Variants in WDR33 observed in about 807,000 individuals in gnomAD.
WDR33 encodes the protein WD repeat domain 33.
WDR33 carries 47 observed loss-of-function variants against 164.9 expected under a neutral mutation model. The observed-to-expected ratio is 0.29, with a 90% CI of 0.23 to 0.36. The LOEUF (loss-of-function observed/expected upper bound fraction) is 0.36, where lower values mean the gene tolerates loss of function less well. Among genes scored for constraint, WDR33 ranks in the 10% least tolerant of loss-of-function variants. The probability of loss-of-function intolerance (pLI) is 1.00; values close to 1 mark genes in which losing one functional copy is unlikely to be tolerated. For missense variants in WDR33, 1,137 were observed against 1,754.1 expected (o/e 0.65, Z 6.28); for synonymous variants, 505 against 589.0 (o/e 0.86, Z 2.06).
chr2:127,789,571 A>G (rs765839885), intron 1 of WDR33, among the ~76,000 whole-genome samples: 21,444 of 149,312 alleles, frequency 0.14, 1,620 homozygotes, highest in Middle Eastern at 0.23. Flanking sequence ...CGTGCCTGCA[A>G]TGGCAGGCAC....
chr2:127,726,851 A>G lies in WDR33; in HGVS notation c.725-74T>C. On this transcript the variant is annotated intron_variant, in intron 7 of 21. Transcript: ENST00000322313. This position sits in a 1 kb window ranked among gnomAD's most constrained non-coding sequence, Gnocchi z 4.8. The stretch of plus-strand genomic sequence containing the variant: ...AAGCAATTTAAACCAAAGTAGAGAA[A>G]CCTAGTAAATGTTTTGCTCTCAGTG... 1 of 1,572,448 alleles carries G rather than the reference A, an allele frequency of 6.4e-7. No homozygotes were observed. Among genetic ancestry groups the G allele is most frequent in the Non-Finnish European group, 8.7e-7 (1 of 1,155,786 alleles).
In WDR33 at chr2:127,769,011, A is replaced by AAATG; in HGVS notation, c.205-11_205-10insCATT. 1 of 1,151,348 alleles carries AAATG rather than the reference A, an allele frequency of 8.7e-7. No homozygotes were observed. The allele number at this position is 1,151,348 out of a possible 1,614,324, so 71.3% of individuals were successfully genotyped here. A position where few individuals can be genotyped will look rare whatever the true frequency, so the allele number is the denominator to read the frequency against. ...TTTGCCATATTCTGTTCTGTTAAATAAATAAATAAATAAATAAATAAATAA... is the reference window on the plus strand; with the variant it reads ...TTTGCCATATTCTGTTCTGTTAAATAAATGAATAAATAAATAAATAAATAAATAA... On this transcript the variant is annotated splice_polypyrimidine_tract_variant and intron_variant, in intron 2 of 21. Coordinates refer to ENST00000322313, the MANE Select transcript of WDR33 (RefSeq NM_018383.5).
chr2:127,746,041 TAAA>T (rs59854828), intron 7 of WDR33, among the ~76,000 whole-genome samples: 5 of 99,880 alleles, frequency 5.0e-5, no homozygotes, highest in Non-Finnish European at 8.6e-5. Context: ...ATAAAATAAT[TAAA>T]AAAAAAAAAA....
intron 1 of WDR33, among the ~76,000 whole-genome samples, chr2:127,784,918 G>A (rs573381919): frequency 6.6e-6 from 1 of 152,072 alleles, no homozygotes; most frequent in Non-Finnish European, 1.5e-5. Flanking sequence ...TAATTATTGG[G>A]AACCTCAATT....
chr2:127,810,517 A>C lies in WDR33; in HGVS notation c.-24+495T>G, dbSNP rs148430802. ...AAATAGAAATACAACTATTCCAAAA[A>C]AGCAGGGCTTTGCCTGTCAAGCTGT... On this transcript the variant is annotated intron_variant, in intron 1 of 21. Coordinates refer to ENST00000322313, the MANE Select transcript of WDR33 (RefSeq NM_018383.5). Among the ~76,000 whole-genome samples, 86 of 152,322 alleles carry C rather than the reference A, an allele frequency of 5.6e-4. 1 individual carries two copies. The highest frequency in any genetic ancestry group is 9.7e-4 in the Non-Finnish European group (66 of 68,024).
chr2:127,733,569 C>T (rs953601274), intron 7 of WDR33, among the ~76,000 whole-genome samples: 6 of 152,108 alleles, frequency 3.9e-5, no homozygotes, highest in Admixed American at 2.0e-4. Flanking sequence ...TAGCCATATA[C>T]GGCTGTTTAA....
chr2:127,735,785 G>T lies in WDR33; in HGVS notation c.725-9008C>A. On this transcript the variant is annotated intron_variant, in intron 7 of 21. Coordinates refer to ENST00000322313, the MANE Select transcript of WDR33 (RefSeq NM_018383.5). The surrounding 1 kb of genome is among the most constrained non-coding windows in gnomAD (Gnocchi z 4.3). The stretch of plus-strand genomic sequence containing the variant: ...ATAAGTAATCTGTGCTCTGGTCAAG[G>T]AATATGCAATTTATTAGTATTTTAC... The T allele has an allele frequency of 8.1e-6, 8 of 985,396 alleles. No homozygotes were observed. The South Asian group carries it at 3.8e-4, about 46-fold the overall frequency. The allele number at this position is 985,396 out of a possible 1,614,324, so 61.0% of individuals were successfully genotyped here.
intron 18 of WDR33, among the ~76,000 whole-genome samples, chr2:127,711,052 A>G (rs1270705549): frequency 6.6e-6 from 1 of 152,212 alleles, no homozygotes; most frequent in African/African-American, 2.4e-5. Flanking sequence ...ACTTTCTCCT[A>G]TATAATCACA....
At chr2:127,776,248 G>A (rs1472452055) in intron 1 of WDR33, among the ~76,000 whole-genome samples, 2 of 152,172 alleles carry the variant, frequency 1.3e-5, no homozygotes, top group East Asian at 1.9e-4. Flanking sequence ...GCCAAGAGGA[G>A]AGGCTCTCCA....
Position 127,723,998 on chromosome 2 carries a change from G to A in WDR33, c.1196+335C>T, listed in dbSNP as rs1017745980. On this transcript the variant is annotated intron_variant, in intron 11 of 21. Coordinates refer to ENST00000322313, the MANE Select transcript of WDR33 (RefSeq NM_018383.5). The surrounding 1 kb of genome is among the most constrained non-coding windows in gnomAD (Gnocchi z 5.9). Reference sequence around the variant, plus strand: ...AGGCTGAGGTAGGAGGATCACCTGAGCCCAGGAAGGTTGAGGCTATAGTGA... The same window carrying A: ...AGGCTGAGGTAGGAGGATCACCTGAACCCAGGAAGGTTGAGGCTATAGTGA... Among the ~76,000 whole-genome samples, 2 of 152,042 alleles carry A rather than the reference G, an allele frequency of 1.3e-5. No homozygotes were observed. Among genetic ancestry groups the A allele is most frequent in the Admixed American group, 6.6e-5 (1 of 15,250 alleles).
At chr2:127,769,042 T>C (rs1239920342) in intron 2 of WDR33, 41 bp from the exon 3 acceptor site, 1 of 1,208,792 alleles carries the variant, frequency 8.3e-7, no homozygotes, top group Non-Finnish European at 1.1e-6. Context: ...AATAAATAGA[T>C]CAATTAATGA....
chr2:127,706,225 G>T lies in WDR33; in HGVS notation c.*98C>A. Reference sequence around the variant, plus strand: ...TCAGGTGCCCAGAAAAGAGTTCAGGGCTACAATGGTGCAGGCTTCCTTTTG... The same window carrying T: ...TCAGGTGCCCAGAAAAGAGTTCAGGTCTACAATGGTGCAGGCTTCCTTTTG... On this transcript the variant is annotated 3_prime_UTR_variant, in exon 22 of 22. Transcript: ENST00000322313. This position sits in a 1 kb window ranked among gnomAD's most constrained non-coding sequence, Gnocchi z 5.1. 3 of 1,174,924 alleles carry T rather than the reference G, an allele frequency of 2.6e-6. No individual in the cohort carries two copies. Among genetic ancestry groups the T allele is most frequent in the Non-Finnish European group, 3.5e-6 (3 of 861,200 alleles). 72.8% of individuals were successfully genotyped at this position (1,174,924 alleles called of 1,614,324 possible).
At chr2:127,745,513 G>A (rs1687142542) in intron 7 of WDR33, among the ~76,000 whole-genome samples, 1 of 152,086 alleles carries the variant, frequency 6.6e-6, no homozygotes, top group African/African-American at 2.4e-5. Context: ...TACAGAAACA[G>A]CAACAAAGAA....
In WDR33 at chr2:127,701,959, G is replaced by A; in HGVS notation, c.*4364C>T. The A allele has an allele frequency of 3.6e-6, 5 of 1,397,460 alleles. No homozygotes were observed. Among genetic ancestry groups the A allele is most frequent in the Non-Finnish European group, 4.6e-6 (5 of 1,082,576 alleles). 86.6% of individuals were successfully genotyped at this position (1,397,460 alleles called of 1,614,324 possible). On this transcript the variant is annotated 3_prime_UTR_variant, in exon 22 of 22. Coordinates refer to ENST00000322313, the MANE Select transcript of WDR33 (RefSeq NM_018383.5). Reference sequence around the variant, plus strand: ...CTGCGCTGCGAAGAAGCGCCGTCCCGGCCCGCGCTGCTCTACATGGCAGCG... The same window carrying A: ...CTGCGCTGCGAAGAAGCGCCGTCCCAGCCCGCGCTGCTCTACATGGCAGCG...
chr2:127,743,814 T>C (rs1319347350), intron 7 of WDR33, among the ~76,000 whole-genome samples: 2 of 152,148 alleles, frequency 1.3e-5, no homozygotes, highest in Non-Finnish European at 2.9e-5. Flanking sequence ...GGAGGCATGG[T>C]TGGTGGTGTG....
rs1312045601 is a variant in WDR33 at position 127,724,808 on chromosome 2, C to T, written c.1085+79G>A. The T allele has an allele frequency of 6.7e-7, 1 of 1,491,492 alleles. No individual in the cohort carries two copies. Among genetic ancestry groups the T allele is most frequent in the African/African-American group, 1.4e-5 (1 of 72,168 alleles). The allele number at this position is 1,491,492 out of a possible 1,614,324, so 92.4% of individuals were successfully genotyped here. On this transcript the variant is annotated intron_variant, in intron 10 of 21. Coordinates refer to ENST00000322313, the MANE Select transcript of WDR33 (RefSeq NM_018383.5). The surrounding 1 kb of genome is among the most constrained non-coding windows in gnomAD (Gnocchi z 4.8). Reference sequence around the variant, plus strand: ...TAGGATATATGAACACTTAGAAAAGCTACAAAACTATCATGTCTGCACACA... The same window carrying T: ...TAGGATATATGAACACTTAGAAAAGTTACAAAACTATCATGTCTGCACACA...
chr2:127,702,722 C>T lies in WDR33; in HGVS notation c.*3601G>A, dbSNP rs1457163615. The T allele has an allele frequency of 6.0e-6, 1 of 166,922 alleles. No individual in the cohort carries two copies. Among genetic ancestry groups the T allele is most frequent in the Admixed American group, 6.5e-5 (1 of 15,276 alleles). The allele number at this position is 166,922 out of a possible 1,614,324, so 10.3% of individuals were successfully genotyped here. ...TAAAAGTACTTAAGATGGTTTATCTCGGGTTTTTTCTTCAGTTAACAAAAT... is the reference window on the plus strand; with the variant it reads ...TAAAAGTACTTAAGATGGTTTATCTTGGGTTTTTTCTTCAGTTAACAAAAT... On this transcript the variant is annotated 3_prime_UTR_variant, in exon 22 of 22. Transcript: ENST00000322313.
intron 7 of WDR33, among the ~76,000 whole-genome samples, chr2:127,742,106 G>A (rs1687033558): frequency 6.6e-6 from 1 of 152,166 alleles, no homozygotes; most frequent in Non-Finnish European, 1.5e-5. Context: ...AGAGGCTGAG[G>A]CAGGAGAAAC....
chr2:127,725,053 C>A lies in WDR33; in HGVS notation c.1006+8G>T, dbSNP rs201868406. On this transcript the variant is annotated splice_region_variant and intron_variant, in intron 9 of 21. Transcript: ENST00000322313. ...GTGGTCAATGAGAAGCATATCACAGCCACTGACCTGTGGCTTCTTTCTTAT... is the reference window on the plus strand; with the variant it reads ...GTGGTCAATGAGAAGCATATCACAGACACTGACCTGTGGCTTCTTTCTTAT... 8.8e-4 allele frequency: 1,414 copies of A among 1,613,868 alleles called. No individual in the cohort carries two copies. Among genetic ancestry groups the A allele is most frequent in the Non-Finnish European group, 1.1e-3 (1,347 of 1,179,902 alleles).
Sources: gnomAD v4.1 joint callset for allele counts (sites outside exome capture counted in the v4.1 genomes callset) on GRCh38, gnomAD v4.1.1 for gene constraint, Gnocchi (gnomAD v3.1) non-coding constraint, MANE v1.5 for transcripts, NCBI Gene and HGNC (gene_info 2026-07-23, HGNC 2026-07-21) for gene names.